ALDH3A2: variants seen among roughly 807,000 people sequenced by gnomAD.
The protein encoded by ALDH3A2 is aldehyde dehydrogenase family 3 member A2.
In ALDH3A2, 36 loss-of-function variants were observed where a neutral mutation model predicts 51.3. The ratio of observed to expected loss-of-function variants is 0.70; its 90% CI spans 0.54 to 0.93. The LOEUF (loss-of-function observed/expected upper bound fraction) is 0.93, where lower values mean the gene tolerates loss of function less well. ALDH3A2 is among the 40% of genes least tolerant of loss of function. The pLI is 0.00. For synonymous variants in ALDH3A2, 199 were observed against 219.8 expected, an observed-to-expected ratio of 0.91 and a Z score of 0.84; for missense variants, 552 against 603.1, an observed-to-expected ratio of 0.92 and a Z score of 0.89.
chr17:19,673,278 A>T (rs1179206453), intron 9 of ALDH3A2: 1 of 1,613,866 alleles, frequency 6.2e-7, no homozygotes, highest in Non-Finnish European at 8.5e-7. Flanking sequence ...AGAGTGAGGT[A>T]GGAACTTTTT....
At position 19,654,651 on chromosome 17, in the gene ALDH3A2, T is replaced by G. The variant is rs2084869840; in HGVS notation, c.472-1715T>G. Among the ~76,000 whole-genome samples, 1 of 151,936 alleles carries G rather than the reference T, an allele frequency of 6.6e-6. No individual in the cohort carries two copies. The highest frequency in any genetic ancestry group is 1.5e-5 in the Non-Finnish European group (1 of 67,958). On this transcript the variant is annotated intron_variant, in intron 3 of 9. Coordinates refer to ENST00000176643, the MANE Select transcript of ALDH3A2 (RefSeq NM_000382.3). The surrounding 1 kb of genome is among the most constrained non-coding windows in gnomAD (Gnocchi z 4.5). Reference sequence around the variant, plus strand: ...GCCTGCGCCCACCCAGAACTCGCTCTGGCTTGTGAGCGCCACGCGCAGCCC... The same window carrying G: ...GCCTGCGCCCACCCAGAACTCGCTCGGGCTTGTGAGCGCCACGCGCAGCCC...
At chr17:19,672,378 A>T (rs1482388533) in intron 9 of ALDH3A2, 1 of 211,156 alleles carries the variant, frequency 4.7e-6, no homozygotes, top group Non-Finnish European at 9.6e-6. Context: ...TTGAATGTGC[A>T]TGAAATCAGC....
At position 19,675,546 on chromosome 17, in the gene ALDH3A2, T is replaced by C; in HGVS notation, c.1444-12T>C. The C allele has an allele frequency of 6.2e-7, 1 of 1,613,846 alleles. No individual in the cohort carries two copies. The highest frequency in any genetic ancestry group is 8.5e-7 in the Non-Finnish European group (1 of 1,179,754). ...CAGCTGAGTAAACTGAATCCTTTTT[T>C]CCTCTCTCCAGGCAGAATATTACTG... is the stretch of plus-strand genomic sequence containing the variant. On this transcript the variant is annotated splice_polypyrimidine_tract_variant and intron_variant, in intron 9 of 9. Coordinates refer to ENST00000176643, the MANE Select transcript of ALDH3A2 (RefSeq NM_000382.3).
At chr17:19,671,653 C>A (rs1026070470) in intron 8 of ALDH3A2, 68 bp from the exon 9 acceptor site, 2 of 1,377,136 alleles carry the variant, frequency 1.5e-6, no homozygotes, top group South Asian at 1.2e-5. Flanking sequence ...CTTTCCCGGT[C>A]GTTGTTAGAC....
rs944315416 is a variant in ALDH3A2, at chr17:19,656,097, T to A, written c.472-269T>A. ...TTCCCTGGTCAAATTCAACCATTTG[T>A]TCTCCTTAGTGTCTTTGTTGCTGAG... On this transcript the variant is annotated intron_variant, in intron 3 of 9. Coordinates refer to ENST00000176643, the MANE Select transcript of ALDH3A2 (RefSeq NM_000382.3). 1.1e-5 allele frequency: 5 copies of A among 466,830 alleles called. No homozygotes were observed. The Admixed American group carries it at 1.7e-4, about 16-fold the overall frequency. The allele number at this position is 466,830 out of a possible 1,614,324, so 28.9% of individuals were successfully genotyped here.
At chr17:19,651,518 C>A in intron 1 of ALDH3A2, 29 bp from the exon 2 acceptor site, 1 of 1,565,262 alleles carries the variant, frequency 6.4e-7, no homozygotes, top group Non-Finnish European at 8.8e-7. Context: ...ACTTACTCTG[C>A]AAGATTAACT....
chr17:19,666,854 A>AAATTAAAAT (rs2085045547), intron 8 of ALDH3A2, among the ~76,000 whole-genome samples: 1 of 151,402 alleles, frequency 6.6e-6, no homozygotes, highest in East Asian at 1.9e-4. Context: ...TTATATACCC[A>AAATTAAAAT]CAAAAATTAA....
Position 19,656,539 on chromosome 17 carries a change from T to C in ALDH3A2, c.645T>C (p.Tyr215=), listed in dbSNP as rs1378394542. 2 of 1,613,964 alleles carry C rather than the reference T, an allele frequency of 1.2e-6. No individual in the cohort carries two copies. The highest frequency in any genetic ancestry group is 2.2e-5 in the South Asian group (2 of 91,004). The change falls in exon 4 of 10, where the codon TAT becomes TAC. Residue 215 remains tyrosine, a synonymous_variant. Transcript: ENST00000176643. ...AACTGGGAGGGAAAAGTCCATGTTATATTGATAAAGATTGTGACCTGGACA... is the reference window on the plus strand; with the variant it reads ...AACTGGGAGGGAAAAGTCCATGTTACATTGATAAAGATTGTGACCTGGACA... The part of the protein sequence containing the change: ...TLELGGKSPC[Y]IDKDCDLDIV...
chr17:19,661,281 C>T lies in ALDH3A2; in HGVS notation c.940+13C>T. 6.2e-7 allele frequency: 1 copy of T among 1,614,040 alleles called. No individual in the cohort carries two copies. Among genetic ancestry groups the T allele is most frequent in the Non-Finnish European group, 8.5e-7 (1 of 1,179,988 alleles). ...ACACGCTACATAGGTAATGGAAATT[C>T]TCCTTTTCCTATGGGAAGATGGCAA... On this transcript the variant is annotated intron_variant, in intron 6 of 9. Transcript: ENST00000176643.
rs577979283 is a variant in ALDH3A2 at position 19,654,798 on chromosome 17, G to A, written c.472-1568G>A. Among the ~76,000 whole-genome samples the A allele has an allele frequency of 3.9e-5, 6 of 152,278 alleles. No individual in the cohort carries two copies. Among genetic ancestry groups the A allele is most frequent in the East Asian group, 1.9e-4 (1 of 5,168 alleles). ...CTGTGGGCTGAAGGGCTCCTCAAGC[G>A]TGGCGAGAGTGGGTGCCAAGGCCAA... On this transcript the variant is annotated intron_variant, in intron 3 of 9. Transcript: ENST00000176643. The surrounding 1 kb of genome is among the most constrained non-coding windows in gnomAD (Gnocchi z 4.5).
intron 9 of ALDH3A2, among the ~76,000 whole-genome samples, chr17:19,673,685 T>G (rs1275997400): frequency 6.6e-6 from 1 of 151,948 alleles, no homozygotes; most frequent in Non-Finnish European, 1.5e-5. Flanking sequence ...GCCACTGCAC[T>G]CCACCCTGGG....
chr17:19,652,155 C>T (rs1161991250), intron 2 of ALDH3A2, among the ~76,000 whole-genome samples: 1 of 152,126 alleles, frequency 6.6e-6, no homozygotes, highest in Non-Finnish European at 1.5e-5. Context: ...GAGAGTAATG[C>T]TAGCTTGGGT....
At chr17:19,671,585 T>TA in intron 8 of ALDH3A2, 136 bp from the exon 9 acceptor site, 1 of 780,256 alleles carries the variant, frequency 1.3e-6, no homozygotes, top group Non-Finnish European at 2.2e-6. Context: ...TGAAAAGAGA[T>TA]ACTTCAGCTG....
rs76113935 is a variant in ALDH3A2 at position 19,656,216 on chromosome 17, G to C, written c.472-150G>C. 10,161 of 758,980 alleles carry C rather than the reference G, an allele frequency of 0.013. 134 individuals are homozygous for C. Among genetic ancestry groups the C allele is most frequent in the African/African-American group, 0.051 (2,979 of 57,982 alleles). 47.0% of individuals were successfully genotyped at this position (758,980 alleles called of 1,614,324 possible). Reference sequence around the variant, plus strand: ...GACTGTGTGTTCTCCTCTTGTCCTTGGTCAGTTCCCTCTCCCATCCCTCAC... The same window carrying C: ...GACTGTGTGTTCTCCTCTTGTCCTTCGTCAGTTCCCTCTCCCATCCCTCAC... On this transcript the variant is annotated intron_variant, in intron 3 of 9. Transcript: ENST00000176643.
At chr17:19,672,289 A>C in intron 9 of ALDH3A2, 1 of 364,426 alleles carries the variant, frequency 2.7e-6, no homozygotes, top group Non-Finnish European at 5.1e-6. Flanking sequence ...TGATTGCAGA[A>C]TTCTGAGCTG....
chr17:19,651,909 C>G (rs2084821594), intron 2 of ALDH3A2, 131 bp downstream of exon 2: 1 of 834,374 alleles, frequency 1.2e-6, no homozygotes, highest in African/African-American at 1.7e-5. Flanking sequence ...CACCAGTGTA[C>G]TGAGAATTCA....
At chr17:19,667,500 G>A (rs1292690340) in intron 8 of ALDH3A2, among the ~76,000 whole-genome samples, 1 of 152,138 alleles carries the variant, frequency 6.6e-6, no homozygotes, top group Non-Finnish European at 1.5e-5. Context: ...TATAGACACA[G>A]TGGCAAAAAG....
intron 8 of ALDH3A2, among the ~76,000 whole-genome samples, chr17:19,667,954 A>AT (rs1343606566): frequency 2.0e-5 from 3 of 152,214 alleles, no homozygotes; most frequent in Non-Finnish European, 4.4e-5. Flanking sequence ...CATGATCAGT[A>AT]TATGAGTGTT....
Position 19,672,978 on chromosome 17 carries a change from T to C in ALDH3A2, c.1443+1022T>C, listed in dbSNP as rs71369434. ...ATCACTTGAACCCGGGAGGTGGAGG[T>C]TGCAGTGAGCCAAGATCATGCCACT... On this transcript the variant is annotated intron_variant, in intron 9 of 9. Transcript: ENST00000176643. 0.21 allele frequency among the ~76,000 whole-genome samples: 31,117 copies of C among 151,732 alleles called. 3,593 individuals are homozygous for C. Among genetic ancestry groups the C allele is most frequent in the East Asian group, 0.39 (1,987 of 5,144 alleles).
Sources: allele counts gnomAD v4.1 joint callset (sites outside exome capture counted in the v4.1 genomes callset), GRCh38; gene constraint gnomAD v4.1.1; non-coding constraint Gnocchi (gnomAD v3.1); transcripts MANE v1.5; gene names NCBI Gene and HGNC (gene_info 2026-07-23, HGNC 2026-07-21).